Variants in ZYG11B observed in about 807,000 individuals in gnomAD.
ZYG11B encodes the protein zyg-11 family member B, cell cycle regulator, also known as protein zyg-11 homolog B.
A neutral mutation model predicts 82.4 loss-of-function variants in ZYG11B; 36 were observed. That is an observed-to-expected ratio of 0.44 (90% CI 0.33 to 0.58). The LOEUF (loss-of-function observed/expected upper bound fraction) is 0.58. Ranked by LOEUF, ZYG11B falls within the 20% of genes least tolerant of loss-of-function variation. The pLI, the probability that ZYG11B is intolerant of heterozygous loss-of-function variation, is 0.02. For synonymous variants in ZYG11B, 303 were observed against 312.8 expected (o/e 0.97, Z 0.33); for missense variants, 552 against 895.6 (o/e 0.62, Z 4.90).
At chr1:52,812,908 G>A (rs1010750254) in intron 10 of ZYG11B, among the ~76,000 whole-genome samples, 2 of 151,940 alleles carry the variant, frequency 1.3e-5, no homozygotes, top group Admixed American at 6.6e-5. Flanking sequence ...TGTGTATTTA[G>A]TAGAGACGGG....
At chr1:52,802,864 C>A (rs1645088744) in intron 10 of ZYG11B, among the ~76,000 whole-genome samples, 1 of 150,962 alleles carries the variant, frequency 6.6e-6, no homozygotes, top group South Asian at 2.1e-4. Context: ...ACTAAAAATA[C>A]AAAAAATTAG....
intron 2 of ZYG11B, among the ~76,000 whole-genome samples, chr1:52,768,414 C>G (rs1162124628): frequency 6.6e-6 from 1 of 152,180 alleles, no homozygotes; most frequent in Non-Finnish European, 1.5e-5. Flanking sequence ...CTCATTTCTT[C>G]TGTCCCATTT....
chr1:52,797,539 G>A (rs1295216855), intron 8 of ZYG11B, among the ~76,000 whole-genome samples: 8 of 131,026 alleles, frequency 6.1e-5, no homozygotes, highest in African/African-American at 2.0e-4. Flanking sequence ...ACAGAGTCTC[G>A]CACTGTCGCC....
chr1:52,795,039 T>G (rs1304129679), intron 6 of ZYG11B, among the ~76,000 whole-genome samples: 1 of 152,060 alleles, frequency 6.6e-6, no homozygotes, highest in East Asian at 1.9e-4. Flanking sequence ...TCATTCAGAG[T>G]AAAAGCTAGT....
chr1:52,808,583 C>A (rs537238197), intron 10 of ZYG11B, among the ~76,000 whole-genome samples: 1 of 152,110 alleles, frequency 6.6e-6, no homozygotes, highest in Non-Finnish European at 1.5e-5. Context: ...CCAGGCTGGT[C>A]TCAAACTCCT....
chr1:52,787,931 G>A (rs929009477), intron 5 of ZYG11B, among the ~76,000 whole-genome samples: 8 of 152,134 alleles, frequency 5.3e-5, no homozygotes, highest in African/African-American at 1.9e-4. Context: ...GGCTGGATTG[G>A]TGTATAGACA....
chr1:52,749,852 C>T (rs1644506670), intron 1 of ZYG11B, among the ~76,000 whole-genome samples: 1 of 152,106 alleles, frequency 6.6e-6, no homozygotes, highest in South Asian at 2.1e-4. Context: ...CGTGCCCATC[C>T]TTATCAATTT....
chr1:52,802,892 C>T (rs963149963), intron 10 of ZYG11B, among the ~76,000 whole-genome samples: 18 of 150,944 alleles, frequency 1.2e-4, no homozygotes, highest in African/African-American at 3.4e-4. Flanking sequence ...CGGTGGCACG[C>T]GCCTGTAGTC....
chr1:52,790,653 G>C (rs911910575), intron 6 of ZYG11B, among the ~76,000 whole-genome samples: 1 of 147,090 alleles, frequency 6.8e-6, no homozygotes, highest in Non-Finnish European at 1.5e-5. Context: ...CGGAGGCGGC[G>C]GTTGCAGTGA....
chr1:52,759,794 A>G (rs943207661), intron 2 of ZYG11B, among the ~76,000 whole-genome samples: 1 of 152,202 alleles, frequency 6.6e-6, no homozygotes. Flanking sequence ...CTGGGAAAAA[A>G]GTTATTCAGT....
At chr1:52,819,187 C>T (rs1042319310) in intron 13 of ZYG11B, among the ~76,000 whole-genome samples, 3 of 152,102 alleles carry the variant, frequency 2.0e-5, no homozygotes, top group Non-Finnish European at 2.9e-5. Context: ...GGGATGTGAC[C>T]GAGAAAACTG....
intron 8 of ZYG11B, among the ~76,000 whole-genome samples, chr1:52,797,150 A>G (rs1645024044): frequency 1.3e-5 from 1 of 74,336 alleles, no homozygotes; most frequent in Non-Finnish European, 2.1e-5. Context: ...ATTATATATT[A>G]TATATTTATA....
intron 3 of ZYG11B, among the ~76,000 whole-genome samples, chr1:52,778,461 CTCTTTG>C (rs1187564047): frequency 6.6e-6 from 1 of 152,120 alleles, no homozygotes; most frequent in Non-Finnish European, 1.5e-5. Context: ...GTGCATCTTT[CTCTTTG>C]TATTTTCTGC....
intron 1 of ZYG11B, among the ~76,000 whole-genome samples, chr1:52,734,000 T>C (rs1310828754): frequency 6.6e-6 from 1 of 152,136 alleles, no homozygotes; most frequent in Non-Finnish European, 1.5e-5. Flanking sequence ...AATTTTTTTT[T>C]GTTTTGTTTT....
chr1:52,789,107 T>C (rs944523360), intron 5 of ZYG11B, among the ~76,000 whole-genome samples: 2 of 152,192 alleles, frequency 1.3e-5, no homozygotes, highest in African/African-American at 4.8e-5. Flanking sequence ...ACCCATTCCA[T>C]ATCATTCACC....
chr1:52,795,273 C>T (rs527776575), intron 6 of ZYG11B, among the ~76,000 whole-genome samples: 1 of 152,120 alleles, frequency 6.6e-6, no homozygotes, highest in Non-Finnish European at 1.5e-5. Flanking sequence ...TCTCCTTCAC[C>T]CATGTAGGAT....
intron 1 of ZYG11B, among the ~76,000 whole-genome samples, chr1:52,747,131 G>A (rs537994996): frequency 6.6e-6 from 1 of 151,908 alleles, no homozygotes; most frequent in Non-Finnish European, 1.5e-5. Flanking sequence ...TACAATGTGT[G>A]TAAGAAATGT....
chr1:52,755,046 C>T (rs1349419021), intron 1 of ZYG11B, among the ~76,000 whole-genome samples: 1 of 150,610 alleles, frequency 6.6e-6, no homozygotes, highest in Non-Finnish European at 1.5e-5. Context: ...CTGCAAGCTC[C>T]GCCTCCTGTG....
At position 52,820,872 on chromosome 1, in the gene ZYG11B, G is replaced by A. The variant is rs570946875; in HGVS notation, c.2045-567G>A. Reference sequence around the variant, plus strand: ...TTCTAGTACTTTGGGAGGCTGAGGCGGGAGGATTGCTTGAGGGCAGGAGTT... The same window carrying A: ...TTCTAGTACTTTGGGAGGCTGAGGCAGGAGGATTGCTTGAGGGCAGGAGTT... On this transcript the variant is annotated intron_variant, in intron 13 of 13. Transcript: ENST00000294353. 2.4e-4 allele frequency among the ~76,000 whole-genome samples: 36 copies of A among 151,888 alleles called. No individual in the cohort carries two copies. In the South Asian group the frequency reaches 7.1e-3, roughly 30 times the overall value.
Sources: allele counts gnomAD v4.1 joint callset (sites outside exome capture counted in the v4.1 genomes callset), GRCh38; gene constraint gnomAD v4.1.1; transcripts MANE v1.5; gene names NCBI Gene and HGNC (gene_info 2026-07-23, HGNC 2026-07-21).